Variants in CYLD observed in about 807,000 individuals in gnomAD.
CYLD encodes CYLD lysine 63 deubiquitinase, also known as ubiquitin carboxyl-terminal hydrolase CYLD.
In CYLD, 26 loss-of-function variants were observed where a neutral mutation model predicts 104.5. That is an observed-to-expected ratio of 0.25 (90% CI 0.18 to 0.35). The LOEUF is 0.35. Ranked by LOEUF, CYLD falls within the 10% of genes least tolerant of loss-of-function variation. The probability of loss-of-function intolerance (pLI) is 1.00; values close to 1 mark genes in which losing one functional copy is unlikely to be tolerated. For synonymous variants in CYLD, 385 were observed against 399.9 expected, an observed-to-expected ratio of 0.96 and a Z score of 0.45; for missense variants, 703 against 1,136.1, an observed-to-expected ratio of 0.62 and a Z score of 5.48.
At chr16:50,762,447 C>T (rs1307633609) in intron 5 of CYLD, among the ~76,000 whole-genome samples, 1 of 152,160 alleles carries the variant, frequency 6.6e-6, no homozygotes, top group Non-Finnish European at 1.5e-5. Flanking sequence ...CAGATGTACA[C>T]GTGTGGATCT....
At chr16:50,758,452 A>G (rs1948459585) in intron 5 of CYLD, among the ~76,000 whole-genome samples, 1 of 152,148 alleles carries the variant, frequency 6.6e-6, no homozygotes, top group Non-Finnish European at 1.5e-5. Context: ...GTGGGTTTTG[A>G]ACAAAGGACA....
chr16:50,745,905 A>ACATC (rs1966153038), intron 2 of CYLD, among the ~76,000 whole-genome samples: 1 of 152,200 alleles, frequency 6.6e-6, no homozygotes, highest in Non-Finnish European at 1.5e-5. Context: ...ACTACTATGC[A>ACATC]CATCCCAGTG....
chr16:50,748,698 CATATT>C (rs944714713), intron 2 of CYLD, among the ~76,000 whole-genome samples: 5 of 151,996 alleles, frequency 3.3e-5, no homozygotes, highest in African/African-American at 4.8e-5. Flanking sequence ...TTAATATAGT[CATATT>C]ATAATATCTG....
chr16:50,784,112 T>C (rs1970571659), intron 11 of CYLD: 1 of 500,616 alleles, frequency 2.0e-6, no homozygotes, highest in African/African-American at 1.9e-5. Context: ...CTCAGTATTA[T>C]TGGTGTTGTC....
intron 14 of CYLD, among the ~76,000 whole-genome samples, chr16:50,789,542 T>C (rs1971216364): frequency 2.0e-5 from 3 of 152,012 alleles, no homozygotes; most frequent in African/African-American, 7.3e-5. Flanking sequence ...CCCTGGGAAG[T>C]TCTTACACCC....
intron 5 of CYLD, among the ~76,000 whole-genome samples, chr16:50,761,303 A>G (rs1159067193): frequency 2.6e-5 from 4 of 152,158 alleles, no homozygotes; most frequent in African/African-American, 9.7e-5. Flanking sequence ...AATATACCTA[A>G]CAGGATGTAC....
intron 2 of CYLD, among the ~76,000 whole-genome samples, chr16:50,748,889 A>C (rs1236380429): frequency 6.6e-6 from 1 of 152,184 alleles, no homozygotes; most frequent in Non-Finnish European, 1.5e-5. Context: ...CCGAAACGCT[A>C]CTTTTAAAAG....
At chr16:50,750,977 T>A (rs1359883867) in intron 3 of CYLD, among the ~76,000 whole-genome samples, 2 of 152,228 alleles carry the variant, frequency 1.3e-5, no homozygotes, top group African/African-American at 4.8e-5. Context: ...AAACTTAATA[T>A]TCATTCACAA....
intron 5 of CYLD, among the ~76,000 whole-genome samples, chr16:50,755,908 G>A (rs535719040): frequency 1.2e-4 from 19 of 152,020 alleles, no homozygotes; most frequent in African/African-American, 3.9e-4. Flanking sequence ...ATTTGCTTTC[G>A]GGTTCTTGGT....
At chr16:50,789,874 A>G (rs994337122) in intron 14 of CYLD, among the ~76,000 whole-genome samples, 8 of 152,224 alleles carry the variant, frequency 5.3e-5, no homozygotes, top group African/African-American at 1.9e-4. Context: ...CAGAATCTCC[A>G]GAAATAGAAA....
At chr16:50,768,207 C>T (rs1043304469) in intron 5 of CYLD, among the ~76,000 whole-genome samples, 9 of 152,118 alleles carry the variant, frequency 5.9e-5, no homozygotes, top group African/African-American at 1.9e-4. Context: ...TAACATAATA[C>T]ATAAATTACA....
chr16:50,754,819 T>G (rs916684984), intron 5 of CYLD, among the ~76,000 whole-genome samples: 2 of 151,690 alleles, frequency 1.3e-5, no homozygotes, highest in East Asian at 3.9e-4. Flanking sequence ...ATTTCATTCC[T>G]TTTTACGGCT....
rs574927429 is a variant in CYLD, at chr16:50,760,040, T to C, written c.913+5616T>C. On this transcript the variant is annotated intron_variant, in intron 5 of 18. Coordinates refer to ENST00000427738, the MANE Select transcript of CYLD (RefSeq NM_001378743.1). Reference sequence around the variant, plus strand: ...AGCATCCTTATGCATATCATCTAGATCCTACAATCAACATCTTACTTGCTT... The same window carrying C: ...AGCATCCTTATGCATATCATCTAGACCCTACAATCAACATCTTACTTGCTT... Among the ~76,000 whole-genome samples, 57 of 152,342 alleles carry C rather than the reference T, an allele frequency of 3.7e-4. No homozygotes were observed. The South Asian group carries it at 6.2e-3, about 17-fold the overall frequency.
chr16:50,785,006 T>C (rs1448940698), intron 12 of CYLD: 1 of 154,222 alleles, frequency 6.5e-6, no homozygotes, highest in East Asian at 1.9e-4. Context: ...TTCCATTTCC[T>C]ACTTTAGGAA....
chr16:50,753,659 T>C (rs1485118378), intron 4 of CYLD, among the ~76,000 whole-genome samples: 2 of 152,234 alleles, frequency 1.3e-5, no homozygotes, highest in African/African-American at 2.4e-5. Flanking sequence ...CATTTTAGCA[T>C]GCCATGCACA....
intron 14 of CYLD, among the ~76,000 whole-genome samples, chr16:50,789,394 C>T (rs1451648069): frequency 6.6e-6 from 1 of 152,102 alleles, no homozygotes; most frequent in Non-Finnish European, 1.5e-5. Flanking sequence ...TTTTTCTAGC[C>T]TACACACTTA....
intron 5 of CYLD, among the ~76,000 whole-genome samples, chr16:50,769,363 C>A (rs1968867717): frequency 6.6e-6 from 1 of 152,116 alleles, no homozygotes. Flanking sequence ...TTGGTATGAT[C>A]AGTTTTTTAA....
At chr16:50,776,147 T>G (rs747708929) in intron 6 of CYLD, 32 bp from the exon 7 acceptor site, 2 of 1,495,414 alleles carry the variant, frequency 1.3e-6, no homozygotes, top group Admixed American at 1.7e-5. Flanking sequence ...AGAATTTGCC[T>G]TTATCTTTAA....
chr16:50,754,875 G>GTATATA (rs144931752), intron 5 of CYLD, among the ~76,000 whole-genome samples: 7 of 147,266 alleles, frequency 4.8e-5, no homozygotes, highest in African/African-American at 1.8e-4. Context: ...ACACACATAT[G>GTATATA]TATATATATA....
Sources: gnomAD v4.1 joint callset for allele counts (sites outside exome capture counted in the v4.1 genomes callset) on GRCh38, gnomAD v4.1.1 for gene constraint, MANE v1.5 for transcripts, NCBI Gene and HGNC (gene_info 2026-07-23, HGNC 2026-07-21) for gene names.